The following ABTB3 variants were observed in gnomAD, a reference collection of about 807,000 sequenced individuals.
The protein encoded by ABTB3 is ankyrin repeat and BTB domain containing 3.
chr12:107,447,715 C>G, the ABTB3 span, among the ~76,000 whole-genome samples: 1 of 152,186 alleles, frequency 6.6e-6, no homozygotes, highest in Non-Finnish European at 1.5e-5. Flanking sequence ...CACAGGTCAA[C>G]CCATGTAATG....
chr12:107,342,738 A>G, the ABTB3 span, among the ~76,000 whole-genome samples: 2 of 152,034 alleles, frequency 1.3e-5, no homozygotes, highest in East Asian at 3.9e-4. Context: ...GCTTCTGCTC[A>G]AGTCATTTGC....
the ABTB3 span, among the ~76,000 whole-genome samples, chr12:107,505,360 A>T: frequency 1.3e-5 from 2 of 152,216 alleles, no homozygotes; most frequent in African/African-American, 4.8e-5. Context: ...ATAATTAAGC[A>T]GTGTGATTCT....
the ABTB3 span, among the ~76,000 whole-genome samples, chr12:107,574,390 AG>A: frequency 1.3e-5 from 2 of 152,246 alleles, no homozygotes; most frequent in Non-Finnish European, 2.9e-5. Context: ...TATGTTCCAT[AG>A]ACCAGCAGCT....
chr12:107,475,360 G>A, the ABTB3 span, among the ~76,000 whole-genome samples: 4,944 of 152,282 alleles, frequency 0.032, 255 homozygotes, highest in African/African-American at 0.11. Flanking sequence ...AAGAGGTAAC[G>A]GGCATGAGAT....
At chr12:107,476,927 A>T in the ABTB3 span, among the ~76,000 whole-genome samples, 1 of 152,166 alleles carries the variant, frequency 6.6e-6, no homozygotes, top group Admixed American at 6.5e-5. Flanking sequence ...TAGGATATTC[A>T]TATAGGTGCT....
chr12:107,516,022 A>AGT, the ABTB3 span, among the ~76,000 whole-genome samples: 8 of 139,336 alleles, frequency 5.7e-5, no homozygotes, highest in African/African-American at 8.7e-5. Flanking sequence ...AATTATGAAG[A>AGT]GTGTGTGTGT....
the ABTB3 span, among the ~76,000 whole-genome samples, chr12:107,349,243 T>G: frequency 6.6e-6 from 1 of 152,212 alleles, no homozygotes; most frequent in Non-Finnish European, 1.5e-5. Flanking sequence ...GAGATTTGTT[T>G]TCACTTAGGG....
the ABTB3 span, among the ~76,000 whole-genome samples, chr12:107,541,475 AT>A: frequency 6.6e-6 from 1 of 152,248 alleles, no homozygotes; most frequent in Non-Finnish European, 1.5e-5. Flanking sequence ...TGAGAAAGTC[AT>A]TTATTTTAAG....
At chr12:107,337,347 G>T in the ABTB3 span, among the ~76,000 whole-genome samples, 1 of 152,320 alleles carries the variant, frequency 6.6e-6, no homozygotes, top group Admixed American at 6.5e-5. Context: ...GCTGGATCGG[G>T]ATCTCAGCCC....
the ABTB3 span, chr12:107,619,967 G>T: frequency 6.3e-7 from 1 of 1,581,464 alleles, no homozygotes; most frequent in Non-Finnish European, 8.6e-7. Context: ...ACCTTCCCTG[G>T]CTCCTCTCCC....
the ABTB3 span, among the ~76,000 whole-genome samples, chr12:107,345,328 C>G: frequency 7.5e-3 from 1,137 of 152,330 alleles, 4 homozygotes; most frequent in Non-Finnish European, 0.012. Flanking sequence ...CAAGTGGATG[C>G]TCCATTCTCT....
the ABTB3 span, among the ~76,000 whole-genome samples, chr12:107,492,888 G>T: frequency 2.1e-4 from 32 of 152,234 alleles, no homozygotes; most frequent in Admixed American, 1.9e-3. Flanking sequence ...AAACTGCCTT[G>T]CCCTGCAGCT....
At chr12:107,556,722 A>G in the ABTB3 span, among the ~76,000 whole-genome samples, 1 of 152,142 alleles carries the variant, frequency 6.6e-6, no homozygotes, top group Admixed American at 6.5e-5. Context: ...ATAAAAGTGG[A>G]ATAGTGGGCC....
At chr12:107,540,506 A>T in the ABTB3 span, among the ~76,000 whole-genome samples, 1 of 151,986 alleles carries the variant, frequency 6.6e-6, no homozygotes, top group Admixed American at 6.6e-5. Flanking sequence ...GGTGTCCTTT[A>T]ATCCAGTCAA....
the ABTB3 span, among the ~76,000 whole-genome samples, chr12:107,563,673 T>G: frequency 3.3e-5 from 5 of 152,014 alleles, no homozygotes; most frequent in African/African-American, 1.2e-4. Flanking sequence ...TGGAGGGCTC[T>G]TGGAGAACTC....
At chr12:107,439,041 G>A in the ABTB3 span, among the ~76,000 whole-genome samples, 1 of 152,160 alleles carries the variant, frequency 6.6e-6, no homozygotes, top group Non-Finnish European at 1.5e-5. Context: ...GTTGTTAACA[G>A]CCATGGAAGT....
chr12:107,376,972 A>G, the ABTB3 span, among the ~76,000 whole-genome samples: 31 of 152,178 alleles, frequency 2.0e-4, no homozygotes, highest in East Asian at 4.8e-3. Context: ...CTGCTTTTCA[A>G]TGAAGAAAAA....
the ABTB3 span, among the ~76,000 whole-genome samples, chr12:107,448,256 T>C: frequency 6.3e-4 from 96 of 152,336 alleles, 1 homozygote; most frequent in African/African-American, 2.1e-3. Context: ...TTAAAGGATG[T>C]TGGGAGGAGT....
chr12:107,622,946 T>C, the ABTB3 span, among the ~76,000 whole-genome samples: 1 of 152,242 alleles, frequency 6.6e-6, no homozygotes, highest in African/African-American at 2.4e-5. Flanking sequence ...TCTATGTTCT[T>C]GTTTCTAAAT....
Sources: gnomAD v4.1 joint callset for allele counts (sites outside exome capture counted in the v4.1 genomes callset) on GRCh38, gnomAD v4.1.1 for gene constraint, MANE v1.5 for transcripts, NCBI Gene and HGNC (gene_info 2026-07-23, HGNC 2026-07-21) for gene names.